Variants in PRKCA observed in about 807,000 individuals in gnomAD.
PRKCA encodes the protein protein kinase C alpha type.
In PRKCA, 27 loss-of-function variants were observed where a neutral mutation model predicts 87.0. That is an observed-to-expected ratio of 0.31 (90% CI 0.23 to 0.43). The LOEUF is 0.43. Ranked by LOEUF, PRKCA falls within the 20% of genes least tolerant of loss-of-function variation. PRKCA has a pLI of 1.00. For missense variants in PRKCA, 518 were observed against 852.3 expected, an observed-to-expected ratio of 0.61 and a Z score of 4.88; for synonymous variants, 329 against 311.1, an observed-to-expected ratio of 1.06 and a Z score of -0.61.
intron 8 of PRKCA, among the ~76,000 whole-genome samples, chr17:66,693,721 A>G (rs1433889534): frequency 2.0e-5 from 3 of 152,238 alleles, no homozygotes; most frequent in African/African-American, 7.2e-5. Context: ...CTAGTCAGAT[A>G]ATAAATATTT....
chr17:66,487,405 C>T (rs1400000473), intron 2 of PRKCA, among the ~76,000 whole-genome samples: 1 of 152,152 alleles, frequency 6.6e-6, no homozygotes, highest in Non-Finnish European at 1.5e-5. Flanking sequence ...ACTACGTCTT[C>T]CTTATCCATT....
intron 2 of PRKCA, among the ~76,000 whole-genome samples, chr17:66,392,847 G>A (rs1280548956): frequency 6.6e-6 from 1 of 152,124 alleles, no homozygotes; most frequent in African/African-American, 2.4e-5. Flanking sequence ...ATATAATGGA[G>A]GGTTTTGCTA....
At chr17:66,526,698 G>T (rs180998648) in intron 3 of PRKCA, among the ~76,000 whole-genome samples, 1 of 152,216 alleles carries the variant, frequency 6.6e-6, no homozygotes. Context: ...GAAATAGACT[G>T]TATCTTTAGG....
At chr17:66,377,182 C>T (rs1178345961) in intron 2 of PRKCA, among the ~76,000 whole-genome samples, 1 of 152,042 alleles carries the variant, frequency 6.6e-6, no homozygotes, top group Admixed American at 6.6e-5. Context: ...TGTGCCACCA[C>T]GCCCAGCTAA....
chr17:66,312,191 A>C (rs996027176), intron 2 of PRKCA, among the ~76,000 whole-genome samples: 1 of 152,130 alleles, frequency 6.6e-6, no homozygotes, highest in Non-Finnish European at 1.5e-5. Context: ...CATATTGGCC[A>C]GGCTGGTCTT....
intron 5 of PRKCA, among the ~76,000 whole-genome samples, chr17:66,679,314 G>A (rs1972427134): frequency 6.6e-6 from 1 of 152,020 alleles, no homozygotes; most frequent in Non-Finnish European, 1.5e-5. Context: ...CCGAGTAGCT[G>A]TGACTACAGG....
At chr17:66,676,247 AG>A (rs1428139730) in intron 5 of PRKCA, 2 of 152,442 alleles carry the variant, frequency 1.3e-5, no homozygotes, top group Non-Finnish European at 2.9e-5. Context: ...TGTGAGCCAG[AG>A]GAAACTTGAG....
At chr17:66,426,017 C>T (rs16959255) in intron 2 of PRKCA, among the ~76,000 whole-genome samples, 16,879 of 152,090 alleles carry the variant, frequency 0.11, 1,228 homozygotes, top group East Asian at 0.23. Context: ...AGCAAATGGC[C>T]GAGCTGGCTA....
chr17:66,516,407 T>A (rs935976304), intron 3 of PRKCA, among the ~76,000 whole-genome samples: 1 of 151,010 alleles, frequency 6.6e-6, no homozygotes. Context: ...CCGAGGCGGG[T>A]GAATCACTTG....
chr17:66,387,806 G>A (rs903746929), intron 2 of PRKCA, among the ~76,000 whole-genome samples: 9 of 152,202 alleles, frequency 5.9e-5, no homozygotes, highest in Admixed American at 2.0e-4. Flanking sequence ...ACCGGAAGCC[G>A]GAGGAGGCCA....
intron 8 of PRKCA, among the ~76,000 whole-genome samples, chr17:66,712,142 G>A (rs1035553059): frequency 6.6e-6 from 1 of 152,088 alleles, no homozygotes; most frequent in Admixed American, 6.6e-5. Flanking sequence ...ACTTCTTCCT[G>A]TGGAGTAAAA....
At chr17:66,314,172 G>A (rs972046514) in intron 2 of PRKCA, among the ~76,000 whole-genome samples, 13 of 152,060 alleles carry the variant, frequency 8.5e-5, no homozygotes, top group South Asian at 2.1e-4. Context: ...AATGAAGCCC[G>A]GATTTATATT....
chr17:66,647,517 C>T (rs187051267), intron 5 of PRKCA, among the ~76,000 whole-genome samples: 21 of 152,332 alleles, frequency 1.4e-4, no homozygotes, highest in Middle Eastern at 3.4e-3. Context: ...GGACACGCCC[C>T]GTGCCGTCTT....
At chr17:66,575,031 T>C (rs1288726422) in intron 3 of PRKCA, among the ~76,000 whole-genome samples, 1 of 152,212 alleles carries the variant, frequency 6.6e-6, no homozygotes, top group Non-Finnish European at 1.5e-5. Flanking sequence ...CAGCTTCTCT[T>C]TGACATATCT....
chr17:66,609,045 C>G (rs952845886), intron 3 of PRKCA, among the ~76,000 whole-genome samples: 2 of 152,208 alleles, frequency 1.3e-5, no homozygotes, highest in Non-Finnish European at 2.9e-5. Flanking sequence ...ATCTAGAACT[C>G]CTGTTTCTGC....
chr17:66,770,423 A>T (rs1449992252), intron 13 of PRKCA, among the ~76,000 whole-genome samples: 1 of 152,184 alleles, frequency 6.6e-6, no homozygotes, highest in East Asian at 1.9e-4. Context: ...ATCTGTCTTT[A>T]TATGGTATAG....
chr17:66,691,191 A>G (rs1972778207), intron 8 of PRKCA, among the ~76,000 whole-genome samples: 1 of 152,114 alleles, frequency 6.6e-6, no homozygotes, highest in African/African-American at 2.4e-5. Flanking sequence ...ATATGCATCT[A>G]TTGCTTTAGA....
At chr17:66,442,521 G>T (rs556275410) in intron 2 of PRKCA, among the ~76,000 whole-genome samples, 2 of 152,176 alleles carry the variant, frequency 1.3e-5, no homozygotes, top group East Asian at 3.9e-4. Flanking sequence ...GCTTCCCATT[G>T]CTTCTAGGAT....
At chr17:66,543,590 C>T (rs1968056314) in intron 3 of PRKCA, among the ~76,000 whole-genome samples, 1 of 152,144 alleles carries the variant, frequency 6.6e-6, no homozygotes. Flanking sequence ...ATACTCTAAG[C>T]TCCATTGACC....
Sources: gnomAD v4.1 joint callset for allele counts (sites outside exome capture counted in the v4.1 genomes callset) on GRCh38, gnomAD v4.1.1 for gene constraint, MANE v1.5 for transcripts, NCBI Gene and HGNC (gene_info 2026-07-23, HGNC 2026-07-21) for gene names.